Variants in AUTS2 observed in about 807,000 individuals in gnomAD.
AUTS2 encodes autism susceptibility gene 2 protein.
Under a neutral mutation model 112.4 loss-of-function variants are expected in AUTS2, and 17 were observed. The ratio of observed to expected loss-of-function variants is 0.15; its 90% confidence interval spans 0.10 to 0.23. The LOEUF (loss-of-function observed/expected upper bound fraction) is 0.23. AUTS2 is among the 10% of genes least tolerant of loss of function. The pLI is 1.00. For missense variants in AUTS2, 1,510 were observed against 1,701.6 expected, an observed-to-expected ratio of 0.89 and a Z score of 1.98; for synonymous variants, 751 against 702.7, an observed-to-expected ratio of 1.07 and a Z score of -1.09.
chr7:70,237,656 CCT>C (rs1276150135), intron 4 of AUTS2, among the ~76,000 whole-genome samples: 5 of 152,226 alleles, frequency 3.3e-5, no homozygotes, highest in South Asian at 2.1e-4. Context: ...TTTTTCTCCC[CCT>C]CTTTGTGAAA....
chr7:70,538,461 CA>C (rs1389795402), intron 5 of AUTS2, among the ~76,000 whole-genome samples: 1 of 152,024 alleles, frequency 6.6e-6, no homozygotes, highest in Non-Finnish European at 1.5e-5. Flanking sequence ...ACCCAGGAGG[CA>C]GAGGTTGCAG....
chr7:69,692,422 G>A (rs1797387365), intron 1 of AUTS2, among the ~76,000 whole-genome samples: 1 of 152,222 alleles, frequency 6.6e-6, no homozygotes, highest in Non-Finnish European at 1.5e-5. Flanking sequence ...ACTTACGTGT[G>A]TGATGATTTT....
chr7:70,237,877 G>A (rs1318459389), intron 4 of AUTS2, among the ~76,000 whole-genome samples: 1 of 152,102 alleles, frequency 6.6e-6, no homozygotes, highest in Non-Finnish European at 1.5e-5. Context: ...TTAATTTGGT[G>A]GTAAATACAC....
intron 4 of AUTS2, among the ~76,000 whole-genome samples, chr7:70,277,716 A>G (rs1282298889): frequency 6.6e-6 from 1 of 152,164 alleles, no homozygotes; most frequent in East Asian, 1.9e-4. Context: ...AGATATTGAT[A>G]AGGAAAGCAT....
At chr7:69,962,342 A>G (rs1797464889) in intron 2 of AUTS2, among the ~76,000 whole-genome samples, 1 of 152,172 alleles carries the variant, frequency 6.6e-6, no homozygotes, top group South Asian at 2.1e-4. Context: ...AAGAGGTCAG[A>G]TGCAGATAAT....
At chr7:70,659,244 A>G (rs1167434502) in intron 5 of AUTS2, among the ~76,000 whole-genome samples, 1 of 152,210 alleles carries the variant, frequency 6.6e-6, no homozygotes, top group African/African-American at 2.4e-5. Context: ...TATCACGCCC[A>G]CGACTGGCGG....
At chr7:69,963,582 T>A (rs1164931801) in intron 2 of AUTS2, among the ~76,000 whole-genome samples, 1 of 152,176 alleles carries the variant, frequency 6.6e-6, no homozygotes, top group East Asian at 1.9e-4. Flanking sequence ...TAGGAGGTTG[T>A]GATGTAATTT....
chr7:70,241,618 G>T (rs1463655110), intron 4 of AUTS2, among the ~76,000 whole-genome samples: 1 of 152,068 alleles, frequency 6.6e-6, no homozygotes, highest in Non-Finnish European at 1.5e-5. Flanking sequence ...AAAATGGGAG[G>T]GGAGAGAAGC....
chr7:70,411,306 G>T (rs1268247509), intron 4 of AUTS2, among the ~76,000 whole-genome samples: 1 of 152,172 alleles, frequency 6.6e-6, no homozygotes, highest in African/African-American at 2.4e-5. Context: ...AATGCACAGT[G>T]GTCAGGCCAA....
intron 5 of AUTS2, among the ~76,000 whole-genome samples, chr7:70,448,165 A>G (rs1400836802): frequency 1.3e-5 from 2 of 152,146 alleles, no homozygotes; most frequent in Non-Finnish European, 2.9e-5. Flanking sequence ...TTGTTCTGAC[A>G]CGGAAATACC....
intron 2 of AUTS2, among the ~76,000 whole-genome samples, chr7:69,925,948 T>C (rs1746060419): frequency 1.3e-5 from 2 of 152,208 alleles, no homozygotes; most frequent in Non-Finnish European, 2.9e-5. Context: ...AGCTAGTAGC[T>C]GAGTTTAGCC....
At chr7:70,080,259 A>G (rs551293136) in intron 2 of AUTS2, among the ~76,000 whole-genome samples, 3 of 152,220 alleles carry the variant, frequency 2.0e-5, no homozygotes, top group Non-Finnish European at 4.4e-5. Context: ...AATTAAGAGA[A>G]TATCTTCTTG....
At chr7:70,052,485 G>A (rs1052148019) in intron 2 of AUTS2, among the ~76,000 whole-genome samples, 6 of 152,124 alleles carry the variant, frequency 3.9e-5, no homozygotes, top group East Asian at 1.9e-4. Context: ...ATATATTCAC[G>A]GTTCCTGGAT....
At position 69,736,124 on chromosome 7, in the gene AUTS2, G is replaced by A. The variant is rs113724760; in HGVS notation, c.309+136162G>A. ...AAAAAAGTGAAAATTGTTTAAAGTG[G>A]TACTTTGTGAACCTTTTTTTCTCTT... On this transcript the variant is annotated intron_variant, in intron 1 of 18. Coordinates refer to ENST00000342771, the MANE Select transcript of AUTS2 (RefSeq NM_015570.4). 7.9e-5 allele frequency among the ~76,000 whole-genome samples: 12 copies of A among 152,234 alleles called. 1 individual carries two copies. Among genetic ancestry groups the A allele is most frequent in the Admixed American group, 2.0e-4 (3 of 15,300 alleles).
chr7:70,341,935 T>C (rs777387265), intron 4 of AUTS2, among the ~76,000 whole-genome samples: 14 of 152,238 alleles, frequency 9.2e-5, no homozygotes, highest in Admixed American at 2.0e-4. Flanking sequence ...TTGATTTCTT[T>C]CATTTTGAAA....
intron 2 of AUTS2, among the ~76,000 whole-genome samples, chr7:70,000,812 A>G (rs1014102345): frequency 3.9e-5 from 6 of 152,164 alleles, no homozygotes; most frequent in African/African-American, 1.4e-4. Flanking sequence ...GTTTTGGGCC[A>G]TGGTCTCTCA....
chr7:70,257,226 G>A (rs1471008527), intron 4 of AUTS2, among the ~76,000 whole-genome samples: 3 of 151,854 alleles, frequency 2.0e-5, no homozygotes, highest in East Asian at 3.9e-4. Flanking sequence ...TTGCAACCTC[G>A]ACCTCCTGGA....
chr7:69,824,406 C>T (rs1025249880), intron 1 of AUTS2, among the ~76,000 whole-genome samples: 14 of 148,600 alleles, frequency 9.4e-5, no homozygotes, highest in African/African-American at 3.5e-4. Flanking sequence ...GAGATTCTGT[C>T]TCAAAAAAAA....
chr7:70,430,629 A>G (rs777154421), intron 4 of AUTS2, among the ~76,000 whole-genome samples: 5 of 152,124 alleles, frequency 3.3e-5, no homozygotes, highest in Non-Finnish European at 5.9e-5. Flanking sequence ...TCCAGATGCA[A>G]CTCTGGGGAG....
Sources: allele counts gnomAD v4.1 joint callset (sites outside exome capture counted in the v4.1 genomes callset), GRCh38; gene constraint gnomAD v4.1.1; transcripts MANE v1.5; gene names NCBI Gene and HGNC (gene_info 2026-07-23, HGNC 2026-07-21).